SLC4A5: variants seen among roughly 807,000 people sequenced by gnomAD.
SLC4A5 encodes the protein electrogenic sodium bicarbonate cotransporter 4.
In SLC4A5, 96 loss-of-function variants were observed where a neutral mutation model predicts 120.4. The observed-to-expected ratio is 0.80, with a 90% CI of 0.68 to 0.94. SLC4A5 has a LOEUF of 0.94. Ranked by LOEUF, SLC4A5 falls within the 40% of genes least tolerant of loss-of-function variation. The pLI is 0.00. For synonymous variants in SLC4A5, 550 were observed against 571.1 expected, an observed-to-expected ratio of 0.96 and a Z score of 0.53; for missense variants, 1,259 against 1,459.5, an observed-to-expected ratio of 0.86 and a Z score of 2.24.
chr2:74,311,617 ATCTT>A (rs571592903), intron 6 of SLC4A5, among the ~76,000 whole-genome samples: 231 of 152,138 alleles, frequency 1.5e-3, no homozygotes, highest in Non-Finnish European at 3.0e-3. Flanking sequence ...TTTTCCAGTA[ATCTT>A]TCTGTTATTG....
At chr2:74,310,549 T>C (rs1672773641) in intron 6 of SLC4A5, among the ~76,000 whole-genome samples, 1 of 152,236 alleles carries the variant, frequency 6.6e-6, no homozygotes, top group Non-Finnish European at 1.5e-5. Flanking sequence ...TCTGCATCTA[T>C]TGACATTATT....
intron 7 of SLC4A5, among the ~76,000 whole-genome samples, chr2:74,287,438 G>A (rs1354686208): frequency 2.0e-5 from 3 of 152,176 alleles, no homozygotes; most frequent in East Asian, 1.9e-4. Flanking sequence ...TCAGTTGAGT[G>A]AGCAGGACTG....
In SLC4A5 at chr2:74,314,995, AC is replaced by A. The variant is rs1304866384; in HGVS notation, c.28del (p.Val10Ter). The A allele has an allele frequency of 6.2e-7, 1 of 1,613,836 alleles. No individual in the cohort carries two copies. Among genetic ancestry groups the A allele is most frequent in the Admixed American group, 1.7e-5 (1 of 59,994 alleles). On this transcript the variant is annotated frameshift_variant, in exon 6 of 31. Coordinates refer to ENST00000394019, the Ensembl canonical transcript of SLC4A5. LOFTEE classifies it high-confidence loss of function. ...GTGGTTAGTGTGGTCCAGCTTTCCT[AC>A]CCCAGCCTTCTCCTCCTTCACCTTC...
At chr2:74,308,058 C>T in intron 6 of SLC4A5, 1 of 492,028 alleles carries the variant, frequency 2.0e-6, no homozygotes, top group Non-Finnish European at 4.1e-6. Context: ...TTGCTGATGA[C>T]CTCATTTCTT....
chr2:74,316,321 TAA>T (rs60481743), intron 5 of SLC4A5, among the ~76,000 whole-genome samples: 9,277 of 50,992 alleles, frequency 0.18, 545 homozygotes, highest in East Asian at 0.4. Flanking sequence ...AAAAGAGTTG[TAA>T]AAAAAAAAAA....
chr2:74,222,763 G>T, intron 29 of SLC4A5, 105 bp downstream of exon 29: 1 of 1,051,020 alleles, frequency 9.5e-7, no homozygotes, highest in Non-Finnish European at 1.5e-6. Flanking sequence ...TGCTGCTCTA[G>T]CATCCAAAAT....
intron 6 of SLC4A5, among the ~76,000 whole-genome samples, chr2:74,306,527 G>A (rs1659051849): frequency 6.6e-6 from 1 of 152,032 alleles, no homozygotes. Context: ...CACTTTTCGT[G>A]TTTCTTTCCT....
At chr2:74,265,230 C>T (rs752681525) in exon 9 of SLC4A5, 32 of 1,614,080 alleles carry the variant, frequency 2.0e-5, no homozygotes, top group Admixed American at 1.5e-4. Context: ...CAGCGTTCGC[C>T]GCCTTCCTCT....
At chr2:74,306,063 T>A (rs143423906) in intron 6 of SLC4A5, among the ~76,000 whole-genome samples, 102 of 152,300 alleles carry the variant, frequency 6.7e-4, no homozygotes, top group African/African-American at 2.2e-3. Context: ...AATTTTGCCT[T>A]TTCCAAAATA....
chr2:74,253,515 A>G (rs955838559), intron 14 of SLC4A5, among the ~76,000 whole-genome samples: 2 of 152,166 alleles, frequency 1.3e-5, no homozygotes, highest in African/African-American at 4.8e-5. Context: ...TTGGAGGCTC[A>G]GGCCGTGTTC....
intron 3 of SLC4A5, among the ~76,000 whole-genome samples, chr2:74,336,467 C>T (rs1673494535): frequency 6.6e-6 from 1 of 152,120 alleles, no homozygotes; most frequent in East Asian, 1.9e-4. Flanking sequence ...GAAGTGGTTT[C>T]CTCATCTGTA....
intron 7 of SLC4A5, among the ~76,000 whole-genome samples, chr2:74,299,684 T>C (rs1053749848): frequency 8.5e-5 from 13 of 152,190 alleles, no homozygotes; most frequent in South Asian, 6.2e-4. Flanking sequence ...TGTCACCCCA[T>C]ACCTGTTAGA....
chr2:74,231,284 G>T (rs773690059), exon 25 of SLC4A5: 1 of 1,612,462 alleles, frequency 6.2e-7, no homozygotes, highest in Non-Finnish European at 8.5e-7. Context: ...GGATGAAGAC[G>T]ATGATGCCGG....
chr2:74,286,339 C>A (rs780780712), intron 7 of SLC4A5, among the ~76,000 whole-genome samples: 8 of 152,174 alleles, frequency 5.3e-5, no homozygotes, highest in Non-Finnish European at 1.0e-4. Flanking sequence ...GGACAGCTTG[C>A]ACACCCTTGT....
At chr2:74,270,190 T>C (rs778307181) in intron 8 of SLC4A5, among the ~76,000 whole-genome samples, 13 of 152,242 alleles carry the variant, frequency 8.5e-5, no homozygotes, top group Non-Finnish European at 1.6e-4. Context: ...TATAACTATT[T>C]TGGGAATCCA....
At position 74,255,779 on chromosome 2, in the gene SLC4A5, T is replaced by G. The variant is rs1573032448; in HGVS notation, c.1021A>C (p.Thr341Pro). 1 of 1,614,038 alleles carries G rather than the reference T, an allele frequency of 6.2e-7. No homozygotes were observed. The highest frequency in any genetic ancestry group is 8.5e-7 in the Non-Finnish European group (1 of 1,179,992). The change falls in exon 13 of 31, where the codon ACC (threonine) becomes CCC (proline). Residue 341 changes from threonine to proline, a missense_variant. By Grantham distance (38) the Thr-to-Pro change is conservative. Coordinates refer to ENST00000394019, the Ensembl canonical transcript of SLC4A5. The surrounding 1 kb of genome is among the most constrained non-coding windows in gnomAD (Gnocchi z 4.0). ...ACAGGTTTCAATGGCTCTCACCTGG[T>G]GGGGACAGGCACCTCGGTCACTCCT...
At chr2:74,297,863 A>T (rs1199569413) in intron 7 of SLC4A5, among the ~76,000 whole-genome samples, 1 of 152,210 alleles carries the variant, frequency 6.6e-6, no homozygotes, top group Non-Finnish European at 1.5e-5. Context: ...ATGGCCTATT[A>T]TTTCCTACCT....
rs773875885 is a variant in SLC4A5, at chr2:74,255,748, G to A, written c.1025+27C>T. 37 of 1,612,454 alleles carry A rather than the reference G, an allele frequency of 2.3e-5. No homozygotes were observed. The highest frequency in any genetic ancestry group is 8.8e-5 in the South Asian group (8 of 91,030). On this transcript the variant is annotated intron_variant, in intron 13 of 30. Coordinates refer to ENST00000394019, the Ensembl canonical transcript of SLC4A5. This position sits in a 1 kb window ranked among gnomAD's most constrained non-coding sequence, Gnocchi z 4.0. ...TGCTGACTGGCTACCTGAGAGTGGC[G>A]TGGGGACAGGTTTCAATGGCTCTCA... is the stretch of plus-strand genomic sequence containing the variant.
chr2:74,254,656 T>G (rs760664777), exon 14 of SLC4A5: 1 of 1,614,162 alleles, frequency 6.2e-7, no homozygotes, highest in Non-Finnish European at 8.5e-7. Context: ...ACGGCCAATT[T>G]CATTGTAGGA....
Sources: gnomAD v4.1 joint callset for allele counts (sites outside exome capture counted in the v4.1 genomes callset) on GRCh38, gnomAD v4.1.1 for gene constraint, Gnocchi (gnomAD v3.1) non-coding constraint, MANE v1.5 for transcripts, NCBI Gene and HGNC (gene_info 2026-07-23, HGNC 2026-07-21) for gene names.